SERPINE2: variants seen among roughly 807,000 people sequenced by gnomAD.
The protein encoded by SERPINE2 is glia-derived nexin.
SERPINE2 carries 14 observed loss-of-function variants against 36.3 expected under a neutral mutation model. The observed-to-expected ratio is 0.39, with a 90% CI of 0.25 to 0.60. The LOEUF is 0.60. Among genes scored for constraint, SERPINE2 ranks in the 20% least tolerant of loss-of-function variants. The pLI, the probability that SERPINE2 is intolerant of heterozygous loss-of-function variation, is 0.57. For synonymous variants in SERPINE2, 192 were observed against 191.8 expected, an observed-to-expected ratio of 1.00 and a Z score of -0.01; for missense variants, 418 against 499.6, an observed-to-expected ratio of 0.84 and a Z score of 1.56.
At chr2:224,038,491 T>C (rs553783418) in intron 1 of SERPINE2, 3 of 1,551,422 alleles carry the variant, frequency 1.9e-6, no homozygotes, top group East Asian at 4.9e-5. Flanking sequence ...TCATTTTACC[T>C]GCAGTCACTC....
At chr2:224,016,846 T>G (rs1018011428) in intron 1 of SERPINE2, among the ~76,000 whole-genome samples, 5 of 152,196 alleles carry the variant, frequency 3.3e-5, no homozygotes, top group South Asian at 2.1e-4. Context: ...TTCAAAGAAC[T>G]ATGCTGAATG....
At chr2:224,026,887 A>C (rs1692203561) in intron 1 of SERPINE2, among the ~76,000 whole-genome samples, 1 of 152,230 alleles carries the variant, frequency 6.6e-6, no homozygotes, top group Non-Finnish European at 1.5e-5. Context: ...TCCTCTGTGA[A>C]GGAGTTACCT....
At chr2:224,018,520 C>T (rs1228362547) in intron 1 of SERPINE2, among the ~76,000 whole-genome samples, 2 of 151,430 alleles carry the variant, frequency 1.3e-5, no homozygotes, top group African/African-American at 2.4e-5. Flanking sequence ...ACAATGGTAA[C>T]TGGAAGATGA....
rs571543871 is a variant in SERPINE2, at chr2:224,015,421, G to A, written c.-22-13499C>T. Among the ~76,000 whole-genome samples the A allele has an allele frequency of 2.0e-4, 31 of 152,288 alleles. 1 individual carries two copies. The highest frequency in any genetic ancestry group is 7.2e-4 in the African/African-American group (30 of 41,552). Reference sequence around the variant, plus strand: ...ACTGGAAGTGACTGGACAAAGGGGCGGAGAGATGGAAGCAAGGAAGAGTAT... The same window carrying A: ...ACTGGAAGTGACTGGACAAAGGGGCAGAGAGATGGAAGCAAGGAAGAGTAT... On this transcript the variant is annotated intron_variant, in intron 1 of 8. Transcript: ENST00000409304.
chr2:224,035,668 C>T (rs2106207234), intron 1 of SERPINE2, among the ~76,000 whole-genome samples: 1 of 152,312 alleles, frequency 6.6e-6, no homozygotes, highest in South Asian at 2.1e-4. Flanking sequence ...CACGCACTGC[C>T]TCATCCAGGT....
intron 3 of SERPINE2, among the ~76,000 whole-genome samples, chr2:223,992,382 C>A (rs1690710998): frequency 6.6e-6 from 1 of 151,900 alleles, no homozygotes; most frequent in Non-Finnish European, 1.5e-5. Flanking sequence ...CAATAAATGA[C>A]TGATAGTAAG....
intron 5 of SERPINE2, among the ~76,000 whole-genome samples, chr2:223,983,011 C>T (rs2106136916): frequency 1.3e-5 from 2 of 152,292 alleles, no homozygotes; most frequent in East Asian, 1.9e-4. Flanking sequence ...CAAGAATAGG[C>T]GCTCCCACCC....
rs368699672 is a variant in SERPINE2 at position 223,995,370 on chromosome 2, A to AC, written c.487+2744dup. ...ATGTACCTTTCAGTGGGGGCAGTTCACCCCCAGGTAAAGGCAGTTTGGAAT... is the reference window on the plus strand; with the variant it reads ...ATGTACCTTTCAGTGGGGGCAGTTCACCCCCCAGGTAAAGGCAGTTTGGAAT... On this transcript the variant is annotated intron_variant, in intron 3 of 8. Coordinates refer to ENST00000409304, the MANE Select transcript of SERPINE2 (RefSeq NM_001136528.2). Among the ~76,000 whole-genome samples the AC allele has an allele frequency of 1.7e-4, 26 of 152,200 alleles. 1 individual carries two copies. Among genetic ancestry groups the AC allele is most frequent in the African/African-American group, 6.3e-4 (26 of 41,528 alleles).
intron 1 of SERPINE2, among the ~76,000 whole-genome samples, chr2:224,027,744 T>C (rs1298010225): frequency 2.0e-5 from 3 of 152,242 alleles, no homozygotes; most frequent in Non-Finnish European, 4.4e-5. Flanking sequence ...TTAAATATCA[T>C]GGATGTGCCC....
At chr2:223,977,416 C>G (rs1690055836) in intron 8 of SERPINE2, 128 bp downstream of exon 8, 5 of 680,890 alleles carry the variant, frequency 7.3e-6, no homozygotes, top group Non-Finnish European at 1.4e-5. Context: ...TTATATTATT[C>G]AAAGTGTCTG....
At chr2:223,997,158 C>T (rs1305920718) in intron 3 of SERPINE2, among the ~76,000 whole-genome samples, 2 of 152,200 alleles carry the variant, frequency 1.3e-5, no homozygotes, top group Non-Finnish European at 2.9e-5. Flanking sequence ...CCTACAGCTC[C>T]TCCTGCATGT....
chr2:224,024,861 A>G (rs1211419184), intron 1 of SERPINE2, among the ~76,000 whole-genome samples: 1 of 152,240 alleles, frequency 6.6e-6, no homozygotes, highest in African/African-American at 2.4e-5. Context: ...CCTCTGGTAT[A>G]AGAAACTGCA....
intron 3 of SERPINE2, among the ~76,000 whole-genome samples, chr2:223,994,942 G>GTA (rs1292652523): frequency 6.6e-6 from 1 of 152,216 alleles, no homozygotes; most frequent in Non-Finnish European, 1.5e-5. Context: ...GGTTATACAG[G>GTA]TAGTATGTGG....
In SERPINE2 at chr2:224,001,466, C is replaced by A. The variant is rs541299200; in HGVS notation, c.259+176G>T. 8.0e-5 allele frequency: 50 copies of A among 624,324 alleles called. 2 individuals carry two copies. In the South Asian group the frequency reaches 1.2e-3, roughly 15 times the overall value. The allele number at this position is 624,324 out of a possible 1,614,324, so 38.7% of individuals were successfully genotyped here. On this transcript the variant is annotated intron_variant, in intron 2 of 8. Transcript: ENST00000409304. ...ACCAGAGTCTAGTTCTCCTAACTGC[C>A]AGCACCACAGTGTTTGTTCTTTAGA...
At position 224,031,398 on chromosome 2, in the gene SERPINE2, G is replaced by C. The variant is rs539884678; in HGVS notation, c.-23+7701C>G. ...AGGAGACCACATAGAGATTCCGTTG[G>C]GGGGAAAACAGAAAGAAAGGCAGCT... On this transcript the variant is annotated intron_variant, in intron 1 of 8. Coordinates refer to ENST00000409304, the MANE Select transcript of SERPINE2 (RefSeq NM_001136528.2). The C allele has an allele frequency of 7.0e-5, 69 of 985,564 alleles. No individual in the cohort carries two copies. In the African/African-American group the frequency reaches 1.0e-3, roughly 14 times the overall value. 61.1% of individuals were successfully genotyped at this position (985,564 alleles called of 1,614,324 possible).
In SERPINE2 at chr2:224,036,978, A is replaced by G. The variant is rs116669387; in HGVS notation, c.-23+2121T>C. ...ACTGCCCCAAGGAGGCCATCTCTCT[A>G]TATTTCTCTAAGTTCTCAGTCTAAC... On this transcript the variant is annotated intron_variant, in intron 1 of 8. Transcript: ENST00000409304. 6.4e-3 allele frequency among the ~76,000 whole-genome samples: 976 copies of G among 152,284 alleles called. 10 individuals are homozygous for G. The highest frequency in any genetic ancestry group is 0.023 in the African/African-American group (942 of 41,548).
At position 224,000,426 on chromosome 2, in the gene SERPINE2, G is replaced by C. The variant is rs116703091; in HGVS notation, c.259+1216C>G. On this transcript the variant is annotated intron_variant, in intron 2 of 8. Coordinates refer to ENST00000409304, the MANE Select transcript of SERPINE2 (RefSeq NM_001136528.2). ...TCGTGCAGTTAAATGGGTCATTTAA[G>C]AAAGGTTTTTCTTTAACTCAAACTA... Among the ~76,000 whole-genome samples, 163 of 152,298 alleles carry C rather than the reference G, an allele frequency of 1.1e-3. 1 individual carries two copies. Among genetic ancestry groups the C allele is most frequent in the African/African-American group, 3.7e-3 (153 of 41,544 alleles).
chr2:224,011,381 G>C (rs1691619049), intron 1 of SERPINE2, among the ~76,000 whole-genome samples: 1 of 151,774 alleles, frequency 6.6e-6, no homozygotes, highest in South Asian at 2.1e-4. Flanking sequence ...TTTTAGTATT[G>C]GTAAAAATAC....
chr2:224,017,849 C>T (rs2106187475), intron 1 of SERPINE2, among the ~76,000 whole-genome samples: 1 of 152,354 alleles, frequency 6.6e-6, no homozygotes, highest in East Asian at 1.9e-4. Context: ...GCCTGGGGTC[C>T]TCTCTTCAGG....
Sources: gnomAD v4.1 joint callset for allele counts (sites outside exome capture counted in the v4.1 genomes callset) on GRCh38, gnomAD v4.1.1 for gene constraint, MANE v1.5 for transcripts, NCBI Gene and HGNC (gene_info 2026-07-23, HGNC 2026-07-21) for gene names.